Variants in CDH13 observed in about 807,000 individuals in gnomAD.
The protein encoded by CDH13 is cadherin 13.
In CDH13, 24 loss-of-function variants were observed where a neutral mutation model predicts 63.8. The ratio of observed to expected loss-of-function variants is 0.38; its 90% CI spans 0.27 to 0.53. The LOEUF is 0.53. CDH13 is among the 20% of genes least tolerant of loss of function. CDH13 has a pLI of 0.85. For synonymous variants in CDH13, 503 were observed against 355.3 expected (o/e 1.42, Z -4.67); for missense variants, 1,049 against 903.1 (o/e 1.16, Z -2.07).
intron 4 of CDH13, among the ~76,000 whole-genome samples, chr16:83,167,499 CAAAAA>C (rs11430454): frequency 1.0e-5 from 1 of 99,544 alleles, no homozygotes; most frequent in Non-Finnish European, 1.9e-5. Context: ...GACCCTTTCC[CAAAAA>C]AAAAAAAAAA....
In CDH13 at chr16:83,259,401, G is replaced by A. The variant is rs61268215; in HGVS notation, c.636+41904G>A. Among the ~76,000 whole-genome samples the A allele has an allele frequency of 3.3e-5, 5 of 152,212 alleles. No individual in the cohort carries two copies. The South Asian group carries it at 6.2e-4, about 19-fold the overall frequency. ...TGCTTGGAAAGTCTGTCTCCTGAGC[G>A]TGGGGAGAACAGCCCCTCAGGTATG... On this transcript the variant is annotated intron_variant, in intron 5 of 13. Transcript: ENST00000567109.
intron 6 of CDH13, among the ~76,000 whole-genome samples, chr16:83,460,494 G>C (rs1027631534): frequency 2.2e-4 from 33 of 152,184 alleles, no homozygotes; most frequent in African/African-American, 7.5e-4. Flanking sequence ...TGGAAGCATA[G>C]CTCCGTACCC....
At chr16:83,590,602 TA>T (rs929266727) in intron 7 of CDH13, among the ~76,000 whole-genome samples, 15 of 151,366 alleles carry the variant, frequency 9.9e-5, no homozygotes, top group Admixed American at 4.6e-4. Flanking sequence ...GAAATGGACG[TA>T]AAAAAAAAGA....
At chr16:83,682,655 C>A (rs983110701) in intron 10 of CDH13, among the ~76,000 whole-genome samples, 1 of 152,166 alleles carries the variant, frequency 6.6e-6, no homozygotes, top group East Asian at 1.9e-4. Flanking sequence ...CTCACTCCTC[C>A]TCCTTCCTCT....
chr16:82,971,860 C>A (rs905446871), intron 2 of CDH13, among the ~76,000 whole-genome samples: 1 of 152,192 alleles, frequency 6.6e-6, no homozygotes, highest in African/African-American at 2.4e-5. Context: ...GAATCCCAGA[C>A]TTGCAGGGAC....
chr16:83,425,688 C>T (rs925100189), intron 6 of CDH13, among the ~76,000 whole-genome samples: 3 of 152,204 alleles, frequency 2.0e-5, no homozygotes, highest in East Asian at 1.9e-4. Context: ...TTTAGAGAAA[C>T]TTGACTCTTT....
chr16:82,723,955 G>A (rs559581094), intron 1 of CDH13, among the ~76,000 whole-genome samples: 2 of 152,220 alleles, frequency 1.3e-5, no homozygotes, highest in African/African-American at 4.8e-5. Flanking sequence ...GATGTTGGGG[G>A]CAATAGTCTT....
chr16:83,544,066 T>G (rs986693576), intron 7 of CDH13, among the ~76,000 whole-genome samples: 4 of 152,150 alleles, frequency 2.6e-5, no homozygotes, highest in Non-Finnish European at 5.9e-5. Flanking sequence ...CTGCACCCAG[T>G]GGTTACTAGG....
chr16:82,677,782 C>A (rs183186236), intron 1 of CDH13, among the ~76,000 whole-genome samples: 2 of 152,202 alleles, frequency 1.3e-5, no homozygotes, highest in Non-Finnish European at 2.9e-5. Context: ...ACATTTCCCC[C>A]TCCAATTTTT....
chr16:83,287,016 A>G (rs1281957746), intron 5 of CDH13, among the ~76,000 whole-genome samples: 1 of 152,084 alleles, frequency 6.6e-6, no homozygotes, highest in Non-Finnish European at 1.5e-5. Context: ...CATCTGGAAG[A>G]TAATGTTCAT....
intron 4 of CDH13, among the ~76,000 whole-genome samples, chr16:83,184,621 G>A (rs553407691): frequency 6.6e-6 from 1 of 152,268 alleles, no homozygotes; most frequent in East Asian, 1.9e-4. Flanking sequence ...TGGGCATGGT[G>A]GTGCACGCCT....
chr16:83,479,986 C>T (rs2073719457), intron 6 of CDH13, among the ~76,000 whole-genome samples: 2 of 152,148 alleles, frequency 1.3e-5, no homozygotes, highest in African/African-American at 2.4e-5. Flanking sequence ...AGCATTGATT[C>T]ACTCAATGCC....
chr16:83,092,481 C>G (rs184619572), intron 3 of CDH13, among the ~76,000 whole-genome samples: 1 of 152,174 alleles, frequency 6.6e-6, no homozygotes, highest in Admixed American at 6.5e-5. Flanking sequence ...AACTAGAGTT[C>G]GTTAACTTGT....
In CDH13 at chr16:83,350,868, C is replaced by T. The variant is rs1431555183; in HGVS notation, c.781+5862C>T. 2.6e-5 allele frequency among the ~76,000 whole-genome samples: 4 copies of T among 152,300 alleles called. No homozygotes were observed. The South Asian group carries it at 8.3e-4, about 32-fold the overall frequency. On this transcript the variant is annotated intron_variant, in intron 6 of 13. Coordinates refer to ENST00000567109, the MANE Select transcript of CDH13 (RefSeq NM_001257.5). ...TCCAGGATCCACCTGAGTTCCTTTT[C>T]AAGACACAGTTCCTTTAATTTTTAA...
intron 1 of CDH13, chr16:82,727,448 C>T (rs1226848074): frequency 6.6e-6 from 1 of 152,146 alleles, no homozygotes; most frequent in African/African-American, 2.4e-5. Context: ...AACCAGTAAC[C>T]ATTCCTCCTT....
chr16:82,833,204 A>T (rs2038620925), intron 1 of CDH13, among the ~76,000 whole-genome samples: 1 of 152,172 alleles, frequency 6.6e-6, no homozygotes, highest in African/African-American at 2.4e-5. Flanking sequence ...GGGTTTTCTG[A>T]TTTCAAATGT....
intron 5 of CDH13, among the ~76,000 whole-genome samples, chr16:83,290,545 A>G (rs2089441370): frequency 6.6e-6 from 1 of 151,998 alleles, no homozygotes; most frequent in Non-Finnish European, 1.5e-5. Context: ...AGGCCTCCCC[A>G]CTCATGTGGG....
intron 1 of CDH13, among the ~76,000 whole-genome samples, chr16:82,793,685 C>T (rs542190678): frequency 1.3e-5 from 2 of 152,270 alleles, no homozygotes; most frequent in South Asian, 4.2e-4. Context: ...CCGCAGCCTC[C>T]TTCCTCTTGT....
intron 4 of CDH13, among the ~76,000 whole-genome samples, chr16:83,131,302 C>T (rs922870715): frequency 6.6e-6 from 1 of 150,582 alleles, no homozygotes; most frequent in Non-Finnish European, 1.5e-5. Flanking sequence ...GTGCATTCTG[C>T]CCTAGACTAT....
Sources: allele counts gnomAD v4.1 joint callset (sites outside exome capture counted in the v4.1 genomes callset), GRCh38; gene constraint gnomAD v4.1.1; transcripts MANE v1.5; gene names NCBI Gene and HGNC (gene_info 2026-07-23, HGNC 2026-07-21).